Variants in SMAP2 observed in about 807,000 individuals in gnomAD.
SMAP2 encodes stromal membrane-associated protein 2.
In SMAP2, 25 loss-of-function variants were observed where a neutral mutation model predicts 56.4. The ratio of observed to expected loss-of-function variants is 0.44; its 90% CI spans 0.32 to 0.62. The LOEUF is 0.62. Among genes scored for constraint, SMAP2 ranks in the 20% least tolerant of loss-of-function variants. SMAP2 has a pLI of 0.04. For missense variants in SMAP2, 388 were observed against 545.6 expected (o/e 0.71, Z 2.88); for synonymous variants, 157 against 181.7 (o/e 0.86, Z 1.09).
intron 1 of SMAP2, among the ~76,000 whole-genome samples, chr1:40,355,894 A>G (rs1644433252): frequency 6.6e-6 from 1 of 152,128 alleles, no homozygotes; most frequent in Non-Finnish European, 1.5e-5. Context: ...TATAGGTGTG[A>G]GCCACTGCAC....
At chr1:40,365,117 A>T (rs1008037390) in intron 2 of SMAP2, 1 of 201,812 alleles carries the variant, frequency 5.0e-6, no homozygotes, top group Admixed American at 4.8e-5. Flanking sequence ...TTACTCAAGA[A>T]AAATTGCCAA....
intron 1 of SMAP2, among the ~76,000 whole-genome samples, chr1:40,352,725 G>A (rs959892380): frequency 1.3e-5 from 2 of 151,824 alleles, no homozygotes; most frequent in Non-Finnish European, 2.9e-5. Flanking sequence ...ACAATGCCTC[G>A]CTATGTTGCC....
chr1:40,367,989 A>T (rs922584336), intron 2 of SMAP2, among the ~76,000 whole-genome samples: 1 of 143,014 alleles, frequency 7.0e-6, no homozygotes, highest in African/African-American at 2.6e-5. Flanking sequence ...GAGAAGAATC[A>T]AATAGACACA....
rs191434233 is a variant in SMAP2 at position 40,374,828 on chromosome 1, C to T, written c.103+605C>T. On this transcript the variant is annotated intron_variant, in intron 1 of 9. Coordinates refer to ENST00000372718, the MANE Select transcript of SMAP2 (RefSeq NM_022733.3). The surrounding 1 kb of genome is among the most constrained non-coding windows in gnomAD (Gnocchi z 5.9). ...TCTGGATGTGTGCAGTGGGAAACTG[C>T]CTTATGCAGTGACACAGTGCGGATT... 14 of 1,544,644 alleles carry T rather than the reference C, an allele frequency of 9.1e-6. No individual in the cohort carries two copies. The highest frequency in any genetic ancestry group is 2.0e-5 in the Admixed American group (1 of 50,762).
rs1644906641 is a variant in SMAP2, at chr1:40,408,555, G to A, written c.238-98G>A. On this transcript the variant is annotated intron_variant, in intron 2 of 9. Transcript: ENST00000372718. The surrounding 1 kb of genome is among the most constrained non-coding windows in gnomAD (Gnocchi z 4.3). ...AAATGTTGGTTCTGACACTCTCTAG[G>A]TTGGTTCTTCAATTGTACAGTAGTG... The A allele has an allele frequency of 2.2e-6, 2 of 916,676 alleles. No individual in the cohort carries two copies. The highest frequency in any genetic ancestry group is 3.5e-6 in the Non-Finnish European group (2 of 569,110). The allele number at this position is 916,676 out of a possible 1,614,324, so 56.8% of individuals were successfully genotyped here. A position where few individuals can be genotyped will look rare whatever the true frequency, so the allele number is the denominator to read the frequency against.
chr1:40,348,547 C>T (rs1281044946), intron 1 of SMAP2, among the ~76,000 whole-genome samples: 1 of 151,958 alleles, frequency 6.6e-6, no homozygotes, highest in African/African-American at 2.4e-5. Flanking sequence ...ATACAAAAAT[C>T]AGCTGGGCAT....
At chr1:40,345,313 G>A (rs940699845) in intron 1 of SMAP2, among the ~76,000 whole-genome samples, 21 of 151,954 alleles carry the variant, frequency 1.4e-4, no homozygotes, top group African/African-American at 4.6e-4. Context: ...GGCTAAGGAG[G>A]GTGGAACAGT....
chr1:40,349,662 G>A (rs1302224352), intron 1 of SMAP2, among the ~76,000 whole-genome samples: 1 of 152,120 alleles, frequency 6.6e-6, no homozygotes, highest in African/African-American at 2.4e-5. Flanking sequence ...GGGATTACAG[G>A]CACGTGCCAC....
Position 40,416,200 on chromosome 1 carries a change from G to A in SMAP2, c.706G>A (p.Gly236Arg), listed in dbSNP as rs749241826. Reference protein sequence around the residue: ...RKVVGSMPTAGSAGSVPENLN... With the variant: ...RKVVGSMPTARSAGSVPENLN... Reference sequence around the variant, plus strand: ...GGTTGTAGGTTCCATGCCAACTGCAGGGAGTGCCGGCTCTGTTCCTGAAAA... The same window carrying A: ...GGTTGTAGGTTCCATGCCAACTGCAAGGAGTGCCGGCTCTGTTCCTGAAAA... Residue 236 changes from glycine (G) to arginine (R), a missense_variant, in exon 8 of 10, where the codon GGG (glycine) becomes AGG (arginine). By Grantham distance (125) the Gly-to-Arg change is moderately radical. Coordinates refer to ENST00000372718, the MANE Select transcript of SMAP2 (RefSeq NM_022733.3). 6.2e-7 allele frequency: 1 copy of A among 1,614,004 alleles called. No homozygotes were observed. Among genetic ancestry groups the A allele is most frequent in the East Asian group, 2.2e-5 (1 of 44,878 alleles).
chr1:40,419,152 A>C (rs1382638304), intron 9 of SMAP2, among the ~76,000 whole-genome samples: 2 of 152,214 alleles, frequency 1.3e-5, no homozygotes, highest in Non-Finnish European at 2.9e-5. Flanking sequence ...TAAGCTGACA[A>C]ACCAAATCAC....
chr1:40,413,202 C>T lies in SMAP2; in HGVS notation c.489+100C>T, dbSNP rs1329184188. The T allele has an allele frequency of 6.9e-6, 6 of 865,786 alleles. No individual in the cohort carries two copies. In the East Asian group the frequency reaches 1.5e-4, roughly 22 times the overall value. 53.6% of individuals were successfully genotyped at this position (865,786 alleles called of 1,614,324 possible). The stretch of plus-strand genomic sequence containing the variant: ...CTCGTGGTGAGTACCATTGCACCAT[C>T]ACAGCTGGGGCTAAAGGGTTCTGCA... On this transcript the variant is annotated intron_variant, in intron 5 of 9. Coordinates refer to ENST00000372718, the MANE Select transcript of SMAP2 (RefSeq NM_022733.3).
At chr1:40,352,300 C>T (rs1213950852) in intron 1 of SMAP2, among the ~76,000 whole-genome samples, 2 of 152,088 alleles carry the variant, frequency 1.3e-5, no homozygotes, top group Non-Finnish European at 2.9e-5. Context: ...TGATCTGGCC[C>T]TCACCCTCTG....
chr1:40,387,387 T>C (rs997678947), intron 1 of SMAP2, among the ~76,000 whole-genome samples: 1 of 152,146 alleles, frequency 6.6e-6, no homozygotes, highest in African/African-American at 2.4e-5. Context: ...TTTTGTGTTG[T>C]TGTTAGAGTG....
At chr1:40,399,310 A>AT (rs747127620) in intron 1 of SMAP2, among the ~76,000 whole-genome samples, 4,989 of 91,734 alleles carry the variant, frequency 0.054, 230 homozygotes, top group Non-Finnish European at 0.069. Context: ...ACGTGTGGCT[A>AT]TTTTTTTTTT....
chr1:40,414,287 A>G, intron 6 of SMAP2, 47 bp downstream of exon 6: 1 of 1,562,780 alleles, frequency 6.4e-7, no homozygotes, highest in Non-Finnish European at 8.8e-7. Context: ...AATTTTGATA[A>G]ATTCTCAGTG....
chr1:40,413,030 C>T lies in SMAP2; in HGVS notation c.417C>T (p.Asp139=). Residue 139 remains aspartate, a synonymous_variant, in exon 5 of 10, where the codon GAC becomes GAT. Coordinates refer to ENST00000372718, the MANE Select transcript of SMAP2 (RefSeq NM_022733.3). ...AATCATTATAGAAAGAAAAAGATGA[C>T]AAGTGGAAAAGAGGGAGCGAACCAG... ...DINAFRKEKD[D]KWKRGSEPVP... The T allele has an allele frequency of 6.2e-7, 1 of 1,610,312 alleles. No homozygotes were observed.
chr1:40,346,264 C>T (rs1233652235), intron 1 of SMAP2, among the ~76,000 whole-genome samples: 1 of 151,862 alleles, frequency 6.6e-6, no homozygotes, highest in Non-Finnish European at 1.5e-5. Context: ...CCTTTGTTTA[C>T]AAAAATATGA....
chr1:40,384,360 TTTC>T (rs1180841388), intron 1 of SMAP2, among the ~76,000 whole-genome samples: 1 of 152,218 alleles, frequency 6.6e-6, no homozygotes, highest in Non-Finnish European at 1.5e-5. Context: ...CTGGGTCTGT[TTTC>T]TTCTACCCTG....
intron 1 of SMAP2, among the ~76,000 whole-genome samples, chr1:40,384,789 T>C (rs1644637125): frequency 6.6e-6 from 1 of 152,164 alleles, no homozygotes. Flanking sequence ...GTAATGAAAA[T>C]GTAATTTGGG....
Sources: gnomAD v4.1 joint callset for allele counts (sites outside exome capture counted in the v4.1 genomes callset) on GRCh38, gnomAD v4.1.1 for gene constraint, Gnocchi (gnomAD v3.1) non-coding constraint, MANE v1.5 for transcripts, NCBI Gene and HGNC (gene_info 2026-07-23, HGNC 2026-07-21) for gene names.